The following PPFIBP2 variants were observed in gnomAD, a reference collection of about 807,000 sequenced individuals.
PPFIBP2 encodes the protein PPFIB scaffold protein 2.
A neutral mutation model predicts 118.3 loss-of-function variants in PPFIBP2; 118 were observed. The ratio of observed to expected loss-of-function variants is 1.00; its 90% CI spans 0.86 to 1.16. PPFIBP2 has a LOEUF of 1.16. Ranked by LOEUF, PPFIBP2 falls within the 50% of genes most tolerant of loss-of-function variation. PPFIBP2 has a pLI of 0.00. For missense variants in PPFIBP2, 1,195 were observed against 1,073.1 expected (o/e 1.11, Z -1.59); for synonymous variants, 414 against 397.4 (o/e 1.04, Z -0.50).
chr11:7,652,819 T>C (rs1171062733), intron 23 of PPFIBP2, among the ~76,000 whole-genome samples: 1 of 152,232 alleles, frequency 6.6e-6, no homozygotes, highest in Non-Finnish European at 1.5e-5. Context: ...GGGGCAGCTC[T>C]TATTGTTCAA....
chr11:7,645,047 A>G (rs1248528967), intron 17 of PPFIBP2, among the ~76,000 whole-genome samples: 1 of 148,072 alleles, frequency 6.8e-6, no homozygotes, highest in Non-Finnish European at 1.5e-5. Flanking sequence ...AAAAAAAAAA[A>G]AAAAAAAAAA....
rs201386375 is a variant in PPFIBP2 at position 7,649,620 on chromosome 11, A to T, written c.2087A>T (p.Asn696Ile). Residue 696 changes from asparagine to isoleucine, a missense_variant, in exon 21 of 24, where the codon AAC becomes ATC. Asn to Ile is a moderately radical substitution (Grantham distance 149, BLOSUM62 -3). Transcript: ENST00000299492. The part of the protein sequence containing the change: ...AIHVLHVNKF[N>I]PHCLHRRPAD... ...CACGTGCTGCATGTCAACAAGTTCAACCCCCACTGCCTGCACCGGCGGCCA... is the reference window on the plus strand; with the variant it reads ...CACGTGCTGCATGTCAACAAGTTCATCCCCCACTGCCTGCACCGGCGGCCA... 3.0e-4 allele frequency: 482 copies of T among 1,613,948 alleles called. No individual in the cohort carries two copies. Among genetic ancestry groups the T allele is most frequent in the Non-Finnish European group, 3.8e-4 (446 of 1,180,026 alleles).
chr11:7,639,173 C>T (rs1013898647), intron 14 of PPFIBP2, among the ~76,000 whole-genome samples: 1 of 152,154 alleles, frequency 6.6e-6, no homozygotes, highest in African/African-American at 2.4e-5. Context: ...CAGAGATCTG[C>T]CCTTTTCTGG....
At chr11:7,613,674 C>T (rs1176131920) in intron 6 of PPFIBP2, among the ~76,000 whole-genome samples, 1 of 152,148 alleles carries the variant, frequency 6.6e-6, no homozygotes, top group Admixed American at 6.5e-5. Context: ...TCTGTGTGGA[C>T]ACAGATCAAA....
chr11:7,561,773 A>T (rs1854322693), intron 2 of PPFIBP2, among the ~76,000 whole-genome samples: 1 of 152,248 alleles, frequency 6.6e-6, no homozygotes, highest in Admixed American at 6.5e-5. Flanking sequence ...ATAAACATTT[A>T]TCATCTGTTT....
intron 21 of PPFIBP2, 29 bp from the exon 22 acceptor site, chr11:7,650,811 C>T: frequency 6.2e-7 from 1 of 1,610,838 alleles, no homozygotes; most frequent in South Asian, 1.1e-5. Context: ...TTAAGCCTAA[C>T]TTCCTCACTC....
At chr11:7,590,002 TGTA>T (rs1565014426) in intron 3 of PPFIBP2, among the ~76,000 whole-genome samples, 2 of 152,256 alleles carry the variant, frequency 1.3e-5, no homozygotes, top group Non-Finnish European at 2.9e-5. Flanking sequence ...GCCTTGATGA[TGTA>T]GTCATTTTAT....
intron 3 of PPFIBP2, among the ~76,000 whole-genome samples, chr11:7,589,663 T>C (rs932830068): frequency 3.9e-5 from 6 of 151,912 alleles, no homozygotes; most frequent in African/African-American, 9.7e-5. Context: ...CAGAATTTGA[T>C]TGGACTTTCT....
At chr11:7,570,737 G>A (rs1282004203) in intron 3 of PPFIBP2, among the ~76,000 whole-genome samples, 2 of 152,312 alleles carry the variant, frequency 1.3e-5, no homozygotes, top group Middle Eastern at 3.4e-3. Context: ...TTGAACCAGG[G>A]TGAGGGAGTA....
intron 3 of PPFIBP2, among the ~76,000 whole-genome samples, chr11:7,588,227 G>A (rs1858567893): frequency 6.6e-6 from 1 of 152,110 alleles, no homozygotes; most frequent in Non-Finnish European, 1.5e-5. Context: ...TTTAGGTTAG[G>A]CTAGTATCAT....
intron 5 of PPFIBP2, among the ~76,000 whole-genome samples, chr11:7,599,797 ATTTT>A (rs1200161212): frequency 3.9e-4 from 46 of 117,388 alleles, no homozygotes; most frequent in African/African-American, 1.5e-3. Flanking sequence ...CGCCCGGCTA[ATTTT>A]TTTTTTTTTT....
In PPFIBP2 at chr11:7,653,296, C is replaced by A. The variant is rs531106991; in HGVS notation, c.*78C>A. On this transcript the variant is annotated 3_prime_UTR_variant, in exon 24 of 24. Transcript: ENST00000299492. Reference sequence around the variant, plus strand: ...TGTGTCACCATATAACTGCACCTCACCCCCGCACGTGTGCATGACTCGCAG... The same window carrying A: ...TGTGTCACCATATAACTGCACCTCAACCCCGCACGTGTGCATGACTCGCAG... 1.8e-5 allele frequency: 29 copies of A among 1,587,578 alleles called. No homozygotes were observed. The highest frequency in any genetic ancestry group is 1.7e-4 in the Middle Eastern group (1 of 5,980).
At chr11:7,666,292 C>T in the PPFIBP2 span, 42 of 613,764 alleles carry the variant, frequency 6.8e-5, no homozygotes, top group South Asian at 8.7e-4. Context: ...TCCTTTCTCC[C>T]TCAATTTCTC....
intron 3 of PPFIBP2, among the ~76,000 whole-genome samples, chr11:7,583,966 C>G (rs564777016): frequency 1.3e-5 from 2 of 152,346 alleles, no homozygotes; most frequent in East Asian, 1.9e-4. Context: ...TCAAATGGTG[C>G]CTCCACTGTA....
intron 2 of PPFIBP2, among the ~76,000 whole-genome samples, chr11:7,557,162 A>G (rs138462604): frequency 3.5e-4 from 53 of 151,974 alleles, no homozygotes; most frequent in Middle Eastern, 3.4e-3. Context: ...CTTCAAATCT[A>G]TCTTCCTCTC....
chr11:7,622,992 T>C (rs933560376), intron 7 of PPFIBP2, among the ~76,000 whole-genome samples: 2 of 152,248 alleles, frequency 1.3e-5, no homozygotes, highest in Admixed American at 1.3e-4. Context: ...TGTACCAAGC[T>C]ATTTGCACAC....
rs1850487260 is a variant in PPFIBP2, at chr11:7,629,571, GAT to G, written c.964+40_964+41del. ...GGCGATCCTACCGTTGTCTCTGAAA[GAT>G]ATTCCATCAGCTGTGTTAAAGCCAG... On this transcript the variant is annotated intron_variant, in intron 10 of 23. Transcript: ENST00000299492. The G allele has an allele frequency of 1.9e-6, 3 of 1,599,368 alleles. No individual in the cohort carries two copies. The East Asian group carries it at 6.7e-5, about 36-fold the overall frequency.
intron 11 of PPFIBP2, 27 bp from the exon 12 acceptor site, chr11:7,632,840 A>C: frequency 1.9e-6 from 3 of 1,587,902 alleles, no homozygotes; most frequent in Non-Finnish European, 2.6e-6. Flanking sequence ...ACTGTCCTCT[A>C]CCGTGACTCT....
chr11:7,646,938 T>C (rs1325544704), intron 17 of PPFIBP2, among the ~76,000 whole-genome samples: 1 of 152,226 alleles, frequency 6.6e-6, no homozygotes, highest in Non-Finnish European at 1.5e-5. Context: ...CCTTTGTTTC[T>C]AATTGTATAT....
Sources: allele counts gnomAD v4.1 joint callset (sites outside exome capture counted in the v4.1 genomes callset), GRCh38; gene constraint gnomAD v4.1.1; transcripts MANE v1.5; gene names NCBI Gene and HGNC (gene_info 2026-07-23, HGNC 2026-07-21).